Variants in NAV2 observed in about 807,000 individuals in gnomAD.
NAV2 encodes helicase, APC down-regulated 1.
Under a neutral mutation model 223.2 loss-of-function variants are expected in NAV2, and 54 were observed. That is an observed-to-expected ratio of 0.24 (90% CI 0.19 to 0.30). The LOEUF is 0.30. Among genes scored for constraint, NAV2 ranks in the 10% least tolerant of loss-of-function variants. The pLI, the probability that NAV2 is intolerant of heterozygous loss-of-function variation, is 1.00. For missense variants in NAV2, 2,806 were observed against 3,147.5 expected (o/e 0.89, Z 2.60); for synonymous variants, 1,279 against 1,239.3 (o/e 1.03, Z -0.67).
intron 2 of NAV2, among the ~76,000 whole-genome samples, chr11:19,839,463 T>G (rs1392514313): frequency 6.6e-6 from 1 of 152,210 alleles, no homozygotes; most frequent in Non-Finnish European, 1.5e-5. Flanking sequence ...GAAGACCTGA[T>G]AGCAGCTTCT....
intron 11 of NAV2, among the ~76,000 whole-genome samples, chr11:20,012,730 C>G (rs2053671216): frequency 6.6e-6 from 1 of 150,482 alleles, no homozygotes; most frequent in South Asian, 2.1e-4. Context: ...GGGTTGTTGT[C>G]AATACACTTT....
At chr11:19,914,601 G>A (rs923440373) in intron 6 of NAV2, among the ~76,000 whole-genome samples, 2 of 150,940 alleles carry the variant, frequency 1.3e-5, no homozygotes, top group Non-Finnish European at 2.9e-5. Context: ...GCGGACTGCA[G>A]TGGCGCAATC....
At position 20,031,532 on chromosome 11, in the gene NAV2, T is replaced by C. The variant is rs562630628; in HGVS notation, c.2769-4427T>C. On this transcript the variant is annotated intron_variant, in intron 11 of 37. Transcript: ENST00000349880. Reference sequence around the variant, plus strand: ...AGTGACAAAAAGCAAAAGAAAGGAATTTACTATTTCTCATGGCTGGATCTC... The same window carrying C: ...AGTGACAAAAAGCAAAAGAAAGGAACTTACTATTTCTCATGGCTGGATCTC... 3.3e-5 allele frequency among the ~76,000 whole-genome samples: 5 copies of C among 152,308 alleles called. No homozygotes were observed. The South Asian group carries it at 8.3e-4, about 25-fold the overall frequency.
At chr11:19,455,928 G>T (rs1308689803) in intron 1 of NAV2, among the ~76,000 whole-genome samples, 7 of 152,190 alleles carry the variant, frequency 4.6e-5, no homozygotes, top group Non-Finnish European at 7.3e-5. Flanking sequence ...CCTATAGAAG[G>T]CAGAGGCATC....
chr11:19,529,150 T>C (rs2043945318), intron 1 of NAV2, among the ~76,000 whole-genome samples: 1 of 152,124 alleles, frequency 6.6e-6, no homozygotes, highest in African/African-American at 2.4e-5. Flanking sequence ...AAACTCCCAA[T>C]ATTGTCTTTA....
Position 20,111,336 on chromosome 11 carries a change from C to T in NAV2, c.6961-3256C>T, listed in dbSNP as rs77544763. ...TGCCTTAGGGAAAGTGAATGTCCTC[C>T]CCTCTGTGTCTGTCTGTCCAGATGT... is the stretch of plus-strand genomic sequence containing the variant. On this transcript the variant is annotated intron_variant, in intron 36 of 37. Transcript: ENST00000349880. Among the ~76,000 whole-genome samples, 1,219 of 152,310 alleles carry T rather than the reference C, an allele frequency of 8.0e-3. 10 individuals carry two copies. The highest frequency in any genetic ancestry group is 0.014 in the Middle Eastern group (4 of 294).
intron 11 of NAV2, among the ~76,000 whole-genome samples, chr11:20,012,699 G>GGA (rs1456463001): frequency 6.7e-6 from 1 of 150,028 alleles, no homozygotes; most frequent in African/African-American, 2.4e-5. Flanking sequence ...AAAGAAGGGG[G>GGA]AAAAGAGCGA....
intron 1 of NAV2, among the ~76,000 whole-genome samples, chr11:19,602,929 C>T (rs900376122): frequency 6.4e-4 from 98 of 152,128 alleles, no homozygotes; most frequent in African/African-American, 2.1e-3. Flanking sequence ...GACCACCATT[C>T]GACCCACTAC....
intron 10 of NAV2, among the ~76,000 whole-genome samples, chr11:19,951,842 G>T (rs1049028829): frequency 1.3e-5 from 2 of 152,196 alleles, no homozygotes; most frequent in Non-Finnish European, 2.9e-5. Flanking sequence ...AGCACTTAGA[G>T]CAAGTGTAGA....
At chr11:19,746,908 A>G (rs1220249376) in intron 1 of NAV2, among the ~76,000 whole-genome samples, 2 of 151,870 alleles carry the variant, frequency 1.3e-5, no homozygotes, top group South Asian at 2.1e-4. Context: ...TATTATTACT[A>G]TACTTTAAAT....
chr11:19,493,040 T>C (rs2042681502), intron 1 of NAV2, among the ~76,000 whole-genome samples: 4 of 152,178 alleles, frequency 2.6e-5, no homozygotes, highest in Admixed American at 2.0e-4. Context: ...AGGCTGATAA[T>C]AATCGTCCAG....
intron 1 of NAV2, among the ~76,000 whole-genome samples, chr11:19,630,118 TC>T (rs1405055422): frequency 6.6e-6 from 1 of 151,978 alleles, no homozygotes; most frequent in Non-Finnish European, 1.5e-5. Flanking sequence ...CAACTCTGAG[TC>T]CCTAGTATAC....
chr11:19,855,780 CT>C (rs1392151245), intron 3 of NAV2, among the ~76,000 whole-genome samples: 1 of 152,186 alleles, frequency 6.6e-6, no homozygotes, highest in Admixed American at 6.5e-5. Flanking sequence ...AGCAAAGGGC[CT>C]TTCATGGTTA....
chr11:19,750,579 G>A (rs1363289622), intron 1 of NAV2, among the ~76,000 whole-genome samples: 1 of 152,158 alleles, frequency 6.6e-6, no homozygotes, highest in Non-Finnish European at 1.5e-5. Flanking sequence ...CACCCACTCT[G>A]TTAATGCTGC....
At chr11:19,945,237 C>T in intron 8 of NAV2, among the ~76,000 whole-genome samples, 1 of 127,242 alleles carries the variant, frequency 7.9e-6, no homozygotes, top group African/African-American at 2.9e-5. Context: ...TCTTTCTTGG[C>T]TGGCTGGCTT....
intron 1 of NAV2, among the ~76,000 whole-genome samples, chr11:19,488,562 C>T (rs547920355): frequency 2.6e-5 from 4 of 152,258 alleles, no homozygotes; most frequent in Non-Finnish European, 4.4e-5. Context: ...CAGATGTGTA[C>T]CCTACAGGGA....
intron 1 of NAV2, among the ~76,000 whole-genome samples, chr11:19,436,313 A>G (rs1355597877): frequency 1.3e-5 from 2 of 152,120 alleles, no homozygotes; most frequent in Non-Finnish European, 2.9e-5. Flanking sequence ...TTATCCGAAA[A>G]TTGTTTATTT....
At chr11:19,859,872 A>G (rs1419212177) in intron 3 of NAV2, among the ~76,000 whole-genome samples, 1 of 111,670 alleles carries the variant, frequency 9.0e-6, no homozygotes, top group Non-Finnish European at 1.9e-5. Flanking sequence ...CGGGGGGCTG[A>G]CCCCCCCACC....
At chr11:19,601,433 T>C (rs141663482) in intron 1 of NAV2, among the ~76,000 whole-genome samples, 2 of 152,254 alleles carry the variant, frequency 1.3e-5, no homozygotes, top group African/African-American at 2.4e-5. Flanking sequence ...TTGGTCCTTT[T>C]TGGATGGTGC....
Sources: gnomAD v4.1 joint callset for allele counts (sites outside exome capture counted in the v4.1 genomes callset) on GRCh38, gnomAD v4.1.1 for gene constraint, MANE v1.5 for transcripts, NCBI Gene and HGNC (gene_info 2026-07-23, HGNC 2026-07-21) for gene names.